Variants in ANO4 observed in about 807,000 individuals in gnomAD.
ANO4 encodes anoctamin-4.
Under a neutral mutation model 141.9 loss-of-function variants are expected in ANO4, and 69 were observed. The observed-to-expected ratio is 0.49, with a 90% CI of 0.40 to 0.59. The LOEUF (loss-of-function observed/expected upper bound fraction) is 0.59, where lower values mean the gene tolerates loss of function less well. Ranked by LOEUF, ANO4 falls within the 20% of genes least tolerant of loss-of-function variation. ANO4 has a pLI of 0.00. For missense variants in ANO4, 894 were observed against 1,162.2 expected, an observed-to-expected ratio of 0.77 and a Z score of 3.36; for synonymous variants, 350 against 394.3, an observed-to-expected ratio of 0.89 and a Z score of 1.33.
intron 5 of ANO4, among the ~76,000 whole-genome samples, chr12:100,945,926 C>T (rs1393499566): frequency 6.6e-6 from 1 of 151,984 alleles, no homozygotes; most frequent in Non-Finnish European, 1.5e-5. Flanking sequence ...AAAAAAAAAT[C>T]CCTGCTTTGT....
At chr12:100,860,475 G>A (rs528250158) in intron 1 of ANO4, among the ~76,000 whole-genome samples, 1 of 152,278 alleles carries the variant, frequency 6.6e-6, no homozygotes, top group Admixed American at 6.5e-5. Context: ...TTCTTCCCAG[G>A]AAGGATTTCA....
intron 25 of ANO4, among the ~76,000 whole-genome samples, chr12:101,119,630 A>G (rs1324329269): frequency 6.6e-6 from 1 of 152,236 alleles, no homozygotes; most frequent in Non-Finnish European, 1.5e-5. Context: ...AAGCCCCAGC[A>G]AACTACATAT....
intron 8 of ANO4, among the ~76,000 whole-genome samples, chr12:101,008,857 C>G (rs1014866823): frequency 1.3e-5 from 2 of 152,112 alleles, no homozygotes; most frequent in Non-Finnish European, 2.9e-5. Context: ...CCTTCCGCTC[C>G]TGTTATAAAT....
At chr12:100,764,281 G>T (rs1361028812) in intron 3 of ANO4, among the ~76,000 whole-genome samples, 2 of 152,184 alleles carry the variant, frequency 1.3e-5, no homozygotes, top group Non-Finnish European at 2.9e-5. Context: ...TGACAAAGCA[G>T]TTCTGGAACT....
chr12:100,989,057 G>A (rs2044913911), intron 8 of ANO4, among the ~76,000 whole-genome samples: 1 of 152,068 alleles, frequency 6.6e-6, no homozygotes, highest in African/African-American at 2.4e-5. Flanking sequence ...AATCAAAAAT[G>A]TGTAACAGTA....
intron 5 of ANO4, among the ~76,000 whole-genome samples, chr12:100,953,586 A>C (rs545712154): frequency 6.6e-6 from 1 of 152,330 alleles, no homozygotes; most frequent in East Asian, 1.9e-4. Flanking sequence ...ATGTCTGATG[A>C]ATATCTACTA....
chr12:100,744,196 A>G (rs890420584), intron 3 of ANO4, among the ~76,000 whole-genome samples: 3 of 152,210 alleles, frequency 2.0e-5, no homozygotes, highest in Admixed American at 1.3e-4. Context: ...TCCCGAATGG[A>G]ACTTCCTTCT....
Position 100,735,369 on chromosome 12 carries a change from G to T in ANO4, c.106+1512G>T, listed in dbSNP as rs2031561018. Among the ~76,000 whole-genome samples the T allele has an allele frequency of 2.6e-5, 4 of 151,916 alleles. No individual in the cohort carries two copies. In the South Asian group the frequency reaches 8.3e-4, roughly 32 times the overall value. ...TTCTCGTGGAGAGCTCGCAGACCCTGGTTTGAAAACACTGAGCAACCTAAA... is the reference window on the plus strand; with the variant it reads ...TTCTCGTGGAGAGCTCGCAGACCCTTGTTTGAAAACACTGAGCAACCTAAA... On this transcript the variant is annotated intron_variant, in intron 2 of 29. Coordinates refer to the ANO4 transcript ENST00000644049.
chr12:100,905,201 T>G (rs1342665825), intron 2 of ANO4, among the ~76,000 whole-genome samples: 1 of 152,252 alleles, frequency 6.6e-6, no homozygotes, highest in South Asian at 2.1e-4. Flanking sequence ...AGATGATTGG[T>G]CTGTGAAAGA....
upstream of ANO4, among the ~76,000 whole-genome samples, chr12:100,793,759 C>G (rs1478330230): frequency 6.6e-6 from 1 of 152,098 alleles, no homozygotes; most frequent in East Asian, 1.9e-4. Flanking sequence ...GAAACTACAT[C>G]CCTATATAAT....
chr12:101,037,663 T>C (rs2136598340), intron 10 of ANO4, among the ~76,000 whole-genome samples: 1 of 152,364 alleles, frequency 6.6e-6, no homozygotes, highest in South Asian at 2.1e-4. Context: ...GTCTCCATCA[T>C]ATAAATTACT....
chr12:100,901,505 A>G (rs1267641335), intron 1 of ANO4, 141 bp from the exon 2 acceptor site: 1 of 473,146 alleles, frequency 2.1e-6, no homozygotes, highest in East Asian at 3.3e-5. Context: ...GTAACTAAGG[A>G]TGTCTACTTT....
intron 3 of ANO4, among the ~76,000 whole-genome samples, chr12:100,760,880 G>A (rs1013118712): frequency 2.0e-5 from 3 of 152,116 alleles, no homozygotes; most frequent in African/African-American, 4.8e-5. Context: ...AAGTCAAGGT[G>A]GAGAAACTCA....
chr12:100,724,712 G>GT (rs1394895503), intron 1 of ANO4, among the ~76,000 whole-genome samples: 1 of 152,130 alleles, frequency 6.6e-6, no homozygotes, highest in African/African-American at 2.4e-5. Flanking sequence ...TCTACTATAT[G>GT]TTTTTTGAAT....
chr12:100,775,456 ATACCTGATAG>A (rs1242714912), intron 3 of ANO4, among the ~76,000 whole-genome samples: 1 of 152,190 alleles, frequency 6.6e-6, no homozygotes, highest in Non-Finnish European at 1.5e-5. Flanking sequence ...AATATAAACG[ATACCTGATAG>A]TGGGACAAGT....
chr12:100,821,051 T>C (rs898064787), intron 1 of ANO4, among the ~76,000 whole-genome samples: 24 of 152,074 alleles, frequency 1.6e-4, no homozygotes, highest in African/African-American at 5.3e-4. Context: ...AAACCGCTGA[T>C]GGTTGTCGAA....
chr12:101,058,642 T>G (rs1016926689), intron 14 of ANO4, among the ~76,000 whole-genome samples: 1 of 152,114 alleles, frequency 6.6e-6, no homozygotes, highest in Non-Finnish European at 1.5e-5. Context: ...TGGGAGTTCA[T>G]TCATGATTTG....
Position 101,061,314 on chromosome 12 carries a change from CT to C in ANO4, c.1312+12924del, listed in dbSNP as rs760589648. 7.6e-3 allele frequency among the ~76,000 whole-genome samples: 1,110 copies of C among 146,906 alleles called. 13 individuals are homozygous for C. Among genetic ancestry groups the C allele is most frequent in the Middle Eastern group, 0.024 (7 of 286 alleles). ...CCTTTCTCTCTGGCTGCCCTTAACA[CT>C]TTTTTTTTTTCATTTTAACCTTGGT... On this transcript the variant is annotated intron_variant, in intron 14 of 27. Transcript: ENST00000392977.
chr12:100,763,251 T>C (rs926783282), intron 3 of ANO4, among the ~76,000 whole-genome samples: 1 of 152,136 alleles, frequency 6.6e-6, no homozygotes, highest in South Asian at 2.1e-4. Context: ...CAAGGGTCTG[T>C]ACCCACTGAA....
Sources: allele counts gnomAD v4.1 joint callset (sites outside exome capture counted in the v4.1 genomes callset), GRCh38; gene constraint gnomAD v4.1.1; transcripts MANE v1.5; gene names NCBI Gene and HGNC (gene_info 2026-07-23, HGNC 2026-07-21).